COMT: variants seen among roughly 807,000 people sequenced by gnomAD.
COMT encodes catechol-O-methyltransferase.
Under a neutral mutation model 18.9 loss-of-function variants are expected in COMT, and 13 were observed. The observed-to-expected ratio is 0.69, with a 90% CI of 0.45 to 1.09. The LOEUF is 1.09. Among genes scored for constraint, COMT ranks in the 50% least tolerant of loss-of-function variants. The probability of loss-of-function intolerance (pLI) is 0.00; values close to 1 mark genes in which losing one functional copy is unlikely to be tolerated. For missense variants in COMT, 329 were observed against 361.8 expected (o/e 0.91, Z 0.73); for synonymous variants, 150 against 160.9 (o/e 0.93, Z 0.51).
At position 19,963,658 on chromosome 22, in the gene COMT, C is replaced by T. The variant is rs764846399; in HGVS notation, c.382C>T (p.Arg128Cys). ...YCGYSAVRMARLLSPGARLIT... is the reference protein window; with the variant it reads ...YCGYSAVRMACLLSPGARLIT... Reference sequence around the variant, plus strand: ...TGGCTACTCAGCTGTGCGCATGGCCCGCCTGCTGTCACCAGGGGCGAGGCT... The same window carrying T: ...TGGCTACTCAGCTGTGCGCATGGCCTGCCTGCTGTCACCAGGGGCGAGGCT... The change falls in exon 4 of 6, where the codon CGC becomes TGC. Residue 128 changes from arginine (R) to cysteine (C), a missense_variant. Arg to Cys is a radical substitution (Grantham distance 180). Coordinates refer to ENST00000361682, the MANE Select transcript of COMT (RefSeq NM_000754.4). 60 of 1,612,830 alleles carry T rather than the reference C, an allele frequency of 3.7e-5. No homozygotes were observed. Among genetic ancestry groups the T allele is most frequent in the South Asian group, 2.1e-4 (19 of 91,086 alleles).
chr22:19,943,495 A>G (rs551564927), intron 1 of COMT, among the ~76,000 whole-genome samples: 6 of 152,260 alleles, frequency 3.9e-5, no homozygotes, highest in African/African-American at 1.4e-4. Context: ...TTTAAAAATT[A>G]GCCCGGCGTG....
At chr22:19,962,138 G>T in intron 2 of COMT, 1 of 311,878 alleles carries the variant, frequency 3.2e-6, no homozygotes. Flanking sequence ...CCCAACTCCG[G>T]GCCATGGGGC....
At position 19,968,629 on chromosome 22, in the gene COMT, A is replaced by G. The variant is rs201476400; in HGVS notation, c.709A>G (p.Ser237Gly). 6.2e-7 allele frequency: 1 copy of G among 1,614,104 alleles called. No homozygotes were observed. Among genetic ancestry groups the G allele is most frequent in the Non-Finnish European group, 8.5e-7 (1 of 1,180,014 alleles). ...CTTCCTAGCACACGTGCGCGGGAGCAGCTGCTTTGAGTGCACACACTACCA... is the reference window on the plus strand; with the variant it reads ...CTTCCTAGCACACGTGCGCGGGAGCGGCTGCTTTGAGTGCACACACTACCA... ...PDFLAHVRGS[S>G]CFECTHYQSF... Residue 237 changes from serine (S) to glycine (G), a missense_variant, in exon 6 of 6, where the codon AGC (serine) becomes GGC (glycine). Physicochemically the swap from Ser to Gly is moderately conservative, Grantham distance 56. Transcript: ENST00000361682.
intron 1 of COMT, among the ~76,000 whole-genome samples, chr22:19,942,456 C>T (rs1601502257): frequency 6.6e-6 from 1 of 152,252 alleles, no homozygotes; most frequent in Admixed American, 6.5e-5. Context: ...AGAGAGGCTG[C>T]TCCACCAGGA....
At chr22:19,947,478 TC>T (rs1305769241) in intron 1 of COMT, among the ~76,000 whole-genome samples, 1 of 152,076 alleles carries the variant, frequency 6.6e-6, no homozygotes, top group Admixed American at 6.5e-5. Flanking sequence ...GTGTGAGCTA[TC>T]TCCAGTGACA....
At chr22:19,944,747 G>A (rs911230423) in intron 1 of COMT, among the ~76,000 whole-genome samples, 7 of 151,640 alleles carry the variant, frequency 4.6e-5, no homozygotes, top group Non-Finnish European at 1.0e-4. Context: ...GTGTGAACCC[G>A]GGAGGTGGAG....
At chr22:19,958,166 ATTT>A (rs361708) in intron 1 of COMT, among the ~76,000 whole-genome samples, 1,554 of 139,310 alleles carry the variant, frequency 0.011, 17 homozygotes, top group Middle Eastern at 0.015. Context: ...AGCATGTTTA[ATTT>A]TTTTTTTTTT....
chr22:19,958,722 CA>C (rs361549), intron 1 of COMT, among the ~76,000 whole-genome samples: 1,253 of 87,206 alleles, frequency 0.014, 24 homozygotes, highest in African/African-American at 0.053. Flanking sequence ...CCATCTCTAC[CA>C]AAAAAAAAAA....
At chr22:19,943,841 G>A in intron 1 of COMT, among the ~76,000 whole-genome samples, 1 of 152,160 alleles carries the variant, frequency 6.6e-6, no homozygotes, top group Non-Finnish European at 1.5e-5. Flanking sequence ...TGATGGCATA[G>A]GCATTGGTAT....
In COMT at chr22:19,968,758, C is replaced by A; in HGVS notation, c.*22C>A. On this transcript the variant is annotated 3_prime_UTR_variant, in exon 6 of 6. Coordinates refer to ENST00000361682, the MANE Select transcript of COMT (RefSeq NM_000754.4). ...CTGACTGCCCCCCCGGCCCCCCTCT[C>A]GGGCTCTCTCACCCAGCCTGGTACT... The A allele has an allele frequency of 6.2e-7, 1 of 1,600,900 alleles. No individual in the cohort carries two copies. Among genetic ancestry groups the A allele is most frequent in the Non-Finnish European group, 8.5e-7 (1 of 1,176,772 alleles).
At chr22:19,964,799 C>G (rs1337677923) in intron 5 of COMT, 1 of 336,556 alleles carries the variant, frequency 3.0e-6, no homozygotes, top group Non-Finnish European at 5.6e-6. Flanking sequence ...TGAGGCTAGA[C>G]AGCGGGTGGG....
intron 1 of COMT, among the ~76,000 whole-genome samples, chr22:19,957,199 C>T (rs188875826): frequency 0.11 from 16,515 of 152,150 alleles, 1,058 homozygotes; most frequent in Non-Finnish European, 0.14. Flanking sequence ...ATCTGCCCGC[C>T]CCGGCCTCCC....
In COMT at chr22:19,962,981, G is replaced by T. The variant is rs34234839; in HGVS notation, c.289+166G>T. On this transcript the variant is annotated intron_variant, in intron 3 of 5. Transcript: ENST00000361682. Reference sequence around the variant, plus strand: ...TCCTCTGGAGTCCCAGGGTGCCAGGGTCCCTGATGACCCCTGCAGGCCCTG... The same window carrying T: ...TCCTCTGGAGTCCCAGGGTGCCAGGTTCCCTGATGACCCCTGCAGGCCCTG... 49 of 835,576 alleles carry T rather than the reference G, an allele frequency of 5.9e-5. No individual in the cohort carries two copies. In the African/African-American group the frequency reaches 8.1e-4, roughly 14 times the overall value. The allele number at this position is 835,576 out of a possible 1,614,324, so 51.8% of individuals were successfully genotyped here. A position where few individuals can be genotyped will look rare whatever the true frequency, so the allele number is the denominator to read the frequency against.
intron 4 of COMT, 124 bp from the exon 5 acceptor site, chr22:19,964,044 G>A (rs1569133930): frequency 6.4e-7 from 1 of 1,569,154 alleles, no homozygotes; most frequent in South Asian, 1.1e-5. Context: ...ATGAATGCTT[G>A]TATGGGTGTG....
At chr22:19,955,608 G>A (rs767718577) in intron 1 of COMT, among the ~76,000 whole-genome samples, 7 of 152,240 alleles carry the variant, frequency 4.6e-5, no homozygotes, top group Admixed American at 2.0e-4. Flanking sequence ...GTGTGTAAAC[G>A]CTTAGAACTG....
At chr22:19,967,274 C>G in intron 5 of COMT, 4 of 1,207,164 alleles carry the variant, frequency 3.3e-6, no homozygotes, top group Non-Finnish European at 4.4e-6. Flanking sequence ...GCCCAGGCCC[C>G]TCACTCATGC....
At chr22:19,963,926 C>T in intron 4 of COMT, 167 bp downstream of exon 4, 1 of 1,165,206 alleles carries the variant, frequency 8.6e-7, no homozygotes, top group Non-Finnish European at 1.2e-6. Flanking sequence ...AAAGACCCCC[C>T]CAGCAGCTCA....
chr22:19,947,247 G>T (rs900842337), intron 1 of COMT, among the ~76,000 whole-genome samples: 2 of 152,098 alleles, frequency 1.3e-5, no homozygotes, highest in African/African-American at 4.8e-5. Context: ...ACAGCACCTT[G>T]CATGAAATTC....
chr22:19,961,971 C>T, intron 2 of COMT: 1 of 171,230 alleles, frequency 5.8e-6, no homozygotes, highest in Non-Finnish European at 1.3e-5. Context: ...TCCTGGTGTG[C>T]CTGGCCTGGG....
Sources: allele counts gnomAD v4.1 joint callset (sites outside exome capture counted in the v4.1 genomes callset), GRCh38; gene constraint gnomAD v4.1.1; transcripts MANE v1.5; gene names NCBI Gene and HGNC (gene_info 2026-07-23, HGNC 2026-07-21).